Variants in FAM240B observed in about 807,000 individuals in gnomAD.
FAM240B encodes the protein protein FAM240B.
rs1463361188 is a variant in FAM240B at position 38,694,575 on chromosome 9, C to A, written c.*201G>T. 1 of 389,466 alleles carries A rather than the reference C, an allele frequency of 2.6e-6. No homozygotes were observed. The highest frequency in any genetic ancestry group is 2.1e-5 in the African/African-American group (1 of 48,452). The allele number at this position is 389,466 out of a possible 1,614,324, so 24.1% of individuals were successfully genotyped here. On this transcript the variant is annotated 3_prime_UTR_variant, in exon 3 of 3. Transcript: ENST00000637493. Reference sequence around the variant, plus strand: ...AGCGTCCTATCCCACTTGCGGTCATCCTGTCCTCTGTGCGGAGGGGATTGA... The same window carrying A: ...AGCGTCCTATCCCACTTGCGGTCATACTGTCCTCTGTGCGGAGGGGATTGA...
At chr9:38,705,273 G>A (rs1008172973) in intron 1 of FAM240B, 2 of 152,378 alleles carry the variant, frequency 1.3e-5, no homozygotes, top group East Asian at 1.9e-4. Context: ...AGGATTAGGG[G>A]CGAGAGAGGA....
intron 1 of FAM240B, among the ~76,000 whole-genome samples, chr9:38,707,400 C>T (rs1290051953): frequency 6.6e-6 from 1 of 151,980 alleles, no homozygotes; most frequent in African/African-American, 2.4e-5. Flanking sequence ...ACTGTAGCTG[C>T]ACAGTCATGA....
chr9:38,699,440 A>G (rs1266990370), intron 2 of FAM240B, among the ~76,000 whole-genome samples: 5 of 152,218 alleles, frequency 3.3e-5, no homozygotes, highest in South Asian at 4.1e-4. Flanking sequence ...AATAGCCTTT[A>G]GACTTCAGCG....
At chr9:38,702,774 TC>T (rs111643791) in intron 2 of FAM240B, among the ~76,000 whole-genome samples, 34,196 of 152,118 alleles carry the variant, frequency 0.22, 4,204 homozygotes, top group African/African-American at 0.32. Context: ...AGATGAGGGA[TC>T]TTTTTATTAC....
In FAM240B at chr9:38,719,620, C is replaced by T. The variant is rs550522063; in HGVS notation, c.-4+402G>A. On this transcript the variant is annotated intron_variant, in intron 1 of 2. Transcript: ENST00000637493. ...AATTCATGATTAATCACCCCACCAT[C>T]AGCTTCCTGAGAAGCTTCCATGATC... Among the ~76,000 whole-genome samples the T allele has an allele frequency of 1.5e-3, 221 of 152,292 alleles. 1 individual carries two copies. Among genetic ancestry groups the T allele is most frequent in the Non-Finnish European group, 1.7e-3 (116 of 68,020 alleles).
At chr9:38,700,016 C>T (rs538501756) in intron 2 of FAM240B, among the ~76,000 whole-genome samples, 1 of 152,316 alleles carries the variant, frequency 6.6e-6, no homozygotes, top group Admixed American at 6.5e-5. Context: ...AGTCTGGTTT[C>T]CCTGTGGCCT....
rs1025630372 is a variant in FAM240B, at chr9:38,701,954, A to C, written c.143+1903T>G. 1.1e-4 allele frequency among the ~76,000 whole-genome samples: 17 copies of C among 152,088 alleles called. 1 individual carries two copies. The highest frequency in any genetic ancestry group is 2.5e-4 in the Non-Finnish European group (17 of 68,008). ...GTCATCTTATTAGTCAAAAATAACC[A>C]CTTTCAGTATCTTAGTGTATTTTCT... On this transcript the variant is annotated intron_variant, in intron 2 of 2. Coordinates refer to ENST00000637493, the MANE Select transcript of FAM240B (RefSeq NM_001394922.1).
intron 2 of FAM240B, among the ~76,000 whole-genome samples, chr9:38,695,330 G>A (rs1332886203): frequency 6.6e-6 from 1 of 152,118 alleles, no homozygotes; most frequent in African/African-American, 2.4e-5. Context: ...AGACCATCCT[G>A]GCTAACACGG....
intron 2 of FAM240B, among the ~76,000 whole-genome samples, chr9:38,697,635 A>C (rs1821083534): frequency 1.3e-5 from 2 of 152,250 alleles, no homozygotes; most frequent in Admixed American, 1.3e-4. Context: ...ACTTATAATT[A>C]AGTTATTTTA....
At chr9:38,697,927 G>T (rs566697248) in intron 2 of FAM240B, among the ~76,000 whole-genome samples, 20 of 152,340 alleles carry the variant, frequency 1.3e-4, no homozygotes, top group African/African-American at 4.6e-4. Context: ...CTCAACTAAG[G>T]TTTGGCCCTA....
chr9:38,715,905 C>T (rs1821298974), intron 1 of FAM240B, among the ~76,000 whole-genome samples: 1 of 152,110 alleles, frequency 6.6e-6, no homozygotes, highest in South Asian at 2.1e-4. Flanking sequence ...GAGAAAGCAC[C>T]ACCCCTCCCC....
At chr9:38,707,156 T>C (rs1248418550) in intron 1 of FAM240B, among the ~76,000 whole-genome samples, 2 of 152,226 alleles carry the variant, frequency 1.3e-5, no homozygotes, top group Admixed American at 6.5e-5. Context: ...TGCAAGTTCA[T>C]ATTGGGTACC....
chr9:38,712,828 ATCAG>A (rs35598154), intron 1 of FAM240B, among the ~76,000 whole-genome samples: 14,522 of 152,230 alleles, frequency 0.095, 710 homozygotes, highest in Middle Eastern at 0.12. Context: ...AAGTCACAGA[ATCAG>A]TCAGTGCTGA....
intron 1 of FAM240B, among the ~76,000 whole-genome samples, chr9:38,716,567 A>G (rs1176014015): frequency 6.6e-6 from 1 of 152,226 alleles, no homozygotes; most frequent in Non-Finnish European, 1.5e-5. Flanking sequence ...GCCAGTCAAA[A>G]TTCTCCAAAG....
chr9:38,708,062 T>G (rs1482905119), intron 1 of FAM240B, among the ~76,000 whole-genome samples: 2 of 152,120 alleles, frequency 1.3e-5, no homozygotes, highest in African/African-American at 4.8e-5. Flanking sequence ...GCACGTGCTC[T>G]GCTTCAAGAC....
intron 1 of FAM240B, among the ~76,000 whole-genome samples, chr9:38,715,948 A>G (rs1183794566): frequency 6.6e-6 from 1 of 152,230 alleles, no homozygotes; most frequent in Admixed American, 6.5e-5. Flanking sequence ...TTTATTGGTC[A>G]CAACCAGGCT....
At chr9:38,711,682 C>A (rs1162216844) in intron 1 of FAM240B, among the ~76,000 whole-genome samples, 7 of 138,618 alleles carry the variant, frequency 5.0e-5, no homozygotes, top group Non-Finnish European at 9.2e-5. Flanking sequence ...TTTTTGACAG[C>A]ATCTCCCTCT....
At chr9:38,704,470 A>G (rs1487958118) in intron 1 of FAM240B, among the ~76,000 whole-genome samples, 2 of 152,168 alleles carry the variant, frequency 1.3e-5, no homozygotes, top group Non-Finnish European at 2.9e-5. Flanking sequence ...CTCAGTTGTA[A>G]TATCTTACTA....
chr9:38,700,381 C>T lies in FAM240B; in HGVS notation c.143+3476G>A, dbSNP rs1821112074. On this transcript the variant is annotated intron_variant, in intron 2 of 2. Coordinates refer to ENST00000637493, the MANE Select transcript of FAM240B (RefSeq NM_001394922.1). ...CTTGATGCACCCCCAGATTTAATGTCTACCTGACACTGTTGAGATCTGCTA... is the reference window on the plus strand; with the variant it reads ...CTTGATGCACCCCCAGATTTAATGTTTACCTGACACTGTTGAGATCTGCTA... 2.0e-5 allele frequency among the ~76,000 whole-genome samples: 3 copies of T among 152,286 alleles called. No homozygotes were observed. The South Asian group carries it at 6.2e-4, about 32-fold the overall frequency.
Sources: gnomAD v4.1 joint callset for allele counts (sites outside exome capture counted in the v4.1 genomes callset) on GRCh38, gnomAD v4.1.1 for gene constraint, MANE v1.5 for transcripts, NCBI Gene and HGNC (gene_info 2026-07-23, HGNC 2026-07-21) for gene names.